Variants in FER observed in about 807,000 individuals in gnomAD.
FER encodes FER tyrosine kinase, also known as tyrosine-protein kinase Fer.
In FER, 63 loss-of-function variants were observed where a neutral mutation model predicts 111.0. That is an observed-to-expected ratio of 0.57 (90% CI 0.46 to 0.70). FER has a LOEUF of 0.70. FER is among the 30% of genes least tolerant of loss of function. The pLI is 0.00. For missense variants in FER, 914 were observed against 954.0 expected, an observed-to-expected ratio of 0.96 and a Z score of 0.55; for synonymous variants, 327 against 313.9, an observed-to-expected ratio of 1.04 and a Z score of -0.44.
chr5:108,826,740 A>G (rs547740750), intron 3 of FER, among the ~76,000 whole-genome samples: 1 of 152,290 alleles, frequency 6.6e-6, no homozygotes, highest in African/African-American at 2.4e-5. Context: ...GGGCTTTTTG[A>G]TGGGAAGTGC....
rs548949163 is a variant in FER at position 108,963,523 on chromosome 5, C to G, written c.1656+4176C>G. On this transcript the variant is annotated intron_variant, in intron 13 of 19. Transcript: ENST00000281092. ...GTTGCAGTGAGCTGAGATTGTGCCA[C>G]TGCACTCCAGCCTGGGCAACAGAGT... Among the ~76,000 whole-genome samples, 7 of 152,234 alleles carry G rather than the reference C, an allele frequency of 4.6e-5. No homozygotes were observed. In the South Asian group the frequency reaches 1.5e-3, roughly 32 times the overall value.
intron 15 of FER, among the ~76,000 whole-genome samples, chr5:109,046,878 A>G (rs1020706177): frequency 1.3e-5 from 2 of 152,132 alleles, no homozygotes; most frequent in Non-Finnish European, 2.9e-5. Flanking sequence ...TTTAACATGC[A>G]TAGATTTCTG....
intron 17 of FER, among the ~76,000 whole-genome samples, chr5:109,109,582 G>A (rs758673537): frequency 1.5e-4 from 23 of 152,126 alleles, no homozygotes; most frequent in Admixed American, 2.0e-4. Flanking sequence ...ATTCAGGTTA[G>A]AGAAGGCAAG....
chr5:108,765,808 A>T (rs1306547635), intron 1 of FER, among the ~76,000 whole-genome samples: 1 of 152,138 alleles, frequency 6.6e-6, no homozygotes, highest in African/African-American at 2.4e-5. Flanking sequence ...GTGGAATTGG[A>T]TACATATATA....
chr5:109,166,306 A>G (rs1295163282), intron 17 of FER, among the ~76,000 whole-genome samples: 1 of 152,068 alleles, frequency 6.6e-6, no homozygotes, highest in Non-Finnish European at 1.5e-5. Context: ...AGCCGGTTAA[A>G]ATGAGTTCAA....
chr5:109,188,702 G>A lies in FER; in HGVS notation c.*1127G>A, dbSNP rs942535691. 1 of 152,140 alleles carries A rather than the reference G, an allele frequency of 6.6e-6. No homozygotes were observed. The highest frequency in any genetic ancestry group is 1.5e-5 in the Non-Finnish European group (1 of 68,020). The allele number at this position is 152,140 out of a possible 1,614,324, so 9.4% of individuals were successfully genotyped here. A position where few individuals can be genotyped will look rare whatever the true frequency, so the allele number is the denominator to read the frequency against. On this transcript the variant is annotated 3_prime_UTR_variant, in exon 20 of 20. Transcript: ENST00000281092. ...ATTTACCAGAAAGGTCCTAAGAAAA[G>A]TTTCAGGAGTTCGTAGAGTCCTCGT...
rs1047920811 is a variant in FER at position 108,980,167 on chromosome 5, G to A, written c.1656+20820G>A. ...AACAAAATCAAATTTTTTTCTTTCT[G>A]TGAGTGAGATCAAAAGGATGAAGTT... On this transcript the variant is annotated intron_variant, in intron 13 of 19. Coordinates refer to ENST00000281092, the MANE Select transcript of FER (RefSeq NM_005246.4). Among the ~76,000 whole-genome samples the A allele has an allele frequency of 2.0e-5, 3 of 151,970 alleles. No individual in the cohort carries two copies. The East Asian group carries it at 5.8e-4, about 29-fold the overall frequency.
At chr5:109,086,312 GTTAT>G (rs1394252946) in intron 16 of FER, among the ~76,000 whole-genome samples, 2 of 151,568 alleles carry the variant, frequency 1.3e-5, no homozygotes, top group Non-Finnish European at 3.0e-5. Flanking sequence ...ATGCCATAAG[GTTAT>G]TTATCATATC....
intron 8 of FER, among the ~76,000 whole-genome samples, chr5:108,876,885 G>C (rs1018113675): frequency 1.1e-4 from 16 of 152,064 alleles, no homozygotes; most frequent in African/African-American, 1.9e-4. Flanking sequence ...TAAGAGACTT[G>C]CATTACGATA....
In FER at chr5:108,946,235, A is replaced by G; in HGVS notation, c.1329+13A>G. The G allele has an allele frequency of 6.3e-7, 1 of 1,579,960 alleles. No individual in the cohort carries two copies. Among genetic ancestry groups the G allele is most frequent in the Non-Finnish European group, 8.7e-7 (1 of 1,150,438 alleles). On this transcript the variant is annotated intron_variant, in intron 11 of 19. Transcript: ENST00000281092. ...GGGCTCTTCAGCAGTAAGTAGGATTAACTCTCTGTGCTACTGAAAATGGTC... is the reference window on the plus strand; with the variant it reads ...GGGCTCTTCAGCAGTAAGTAGGATTGACTCTCTGTGCTACTGAAAATGGTC...
At chr5:109,104,798 A>G (rs968513188) in intron 17 of FER, among the ~76,000 whole-genome samples, 1 of 151,962 alleles carries the variant, frequency 6.6e-6, no homozygotes, top group Non-Finnish European at 1.5e-5. Flanking sequence ...GCTGGAGTGC[A>G]GTGGCGCCAT....
intron 13 of FER, among the ~76,000 whole-genome samples, chr5:109,008,380 C>G (rs928658382): frequency 1.6e-4 from 25 of 152,142 alleles, no homozygotes; most frequent in Non-Finnish European, 1.3e-4. Context: ...AGTTCTTAAA[C>G]TGTCTGTAGT....
intron 16 of FER, among the ~76,000 whole-genome samples, chr5:109,060,880 G>C (rs72790602): frequency 6.6e-6 from 1 of 151,386 alleles, no homozygotes; most frequent in East Asian, 1.9e-4. Context: ...ATCATCATCA[G>C]TATCATTATA....
chr5:109,085,708 G>A (rs1777490882), intron 16 of FER, among the ~76,000 whole-genome samples: 1 of 151,530 alleles, frequency 6.6e-6, no homozygotes, highest in Non-Finnish European at 1.5e-5. Flanking sequence ...TTCCTTTTAG[G>A]ACCTAGGAAG....
intron 17 of FER, among the ~76,000 whole-genome samples, chr5:109,129,409 T>C (rs1487284479): frequency 6.6e-6 from 1 of 152,046 alleles, no homozygotes; most frequent in East Asian, 1.9e-4. Flanking sequence ...TTCTGAATCC[T>C]AAAATGGTAT....
chr5:108,957,288 A>G (rs1337477135), intron 12 of FER, among the ~76,000 whole-genome samples: 1 of 151,672 alleles, frequency 6.6e-6, no homozygotes, highest in East Asian at 1.9e-4. Flanking sequence ...AACATTTAAT[A>G]CAAAGTATAA....
At chr5:108,812,456 T>C (rs1319831686) in intron 3 of FER, among the ~76,000 whole-genome samples, 1 of 152,176 alleles carries the variant, frequency 6.6e-6, no homozygotes, top group Non-Finnish European at 1.5e-5. Flanking sequence ...TTGGTATATT[T>C]GAAGTGGGTT....
chr5:109,098,314 G>A (rs907710676), intron 16 of FER, among the ~76,000 whole-genome samples: 3 of 151,834 alleles, frequency 2.0e-5, no homozygotes, highest in African/African-American at 7.2e-5. Flanking sequence ...TGTGTGTTGG[G>A]AGTACAAAGT....
In FER at chr5:109,135,972, T is replaced by A. The variant is rs186863383; in HGVS notation, c.2048+35453T>A. Among the ~76,000 whole-genome samples the A allele has an allele frequency of 1.5e-3, 235 of 152,124 alleles. 1 individual carries two copies. The highest frequency in any genetic ancestry group is 5.4e-3 in the African/African-American group (226 of 41,520). The stretch of plus-strand genomic sequence containing the variant: ...CATAAAGCATATACTGCTATAAGAT[T>A]GAGCCAGGCACAGTGGCTCATGCCT... On this transcript the variant is annotated intron_variant, in intron 17 of 19. Coordinates refer to ENST00000281092, the MANE Select transcript of FER (RefSeq NM_005246.4).
Sources: gnomAD v4.1 joint callset for allele counts (sites outside exome capture counted in the v4.1 genomes callset) on GRCh38, gnomAD v4.1.1 for gene constraint, MANE v1.5 for transcripts, NCBI Gene and HGNC (gene_info 2026-07-23, HGNC 2026-07-21) for gene names.